The following CRYBG3 variants were observed in gnomAD, a reference collection of about 807,000 sequenced individuals.
The protein encoded by CRYBG3 is crystallin beta-gamma domain containing 3.
CRYBG3 carries 127 observed loss-of-function variants against 244.2 expected under a neutral mutation model. The ratio of observed to expected loss-of-function variants is 0.52; its 90% CI spans 0.45 to 0.60. The LOEUF (loss-of-function observed/expected upper bound fraction) is 0.60, where lower values mean the gene tolerates loss of function less well. Among genes scored for constraint, CRYBG3 ranks in the 20% least tolerant of loss-of-function variants. The pLI is 0.00. For missense variants in CRYBG3, 3,325 were observed against 3,442.5 expected (o/e 0.97, Z 0.85); for synonymous variants, 1,132 against 1,195.8 (o/e 0.95, Z 1.10).
chr3:97,825,509 A>G (rs1212625074), intron 1 of CRYBG3, among the ~76,000 whole-genome samples: 2 of 152,194 alleles, frequency 1.3e-5, no homozygotes, highest in African/African-American at 4.8e-5. Context: ...CACTTTTACG[A>G]TCTGACAATT....
intron 1 of CRYBG3, among the ~76,000 whole-genome samples, chr3:97,831,679 C>T (rs972069826): frequency 2.0e-5 from 3 of 152,090 alleles, no homozygotes; most frequent in African/African-American, 7.2e-5. Flanking sequence ...ATCACTTCAG[C>T]TTAGCACTTC....
At chr3:97,850,308 TATGAG>T (rs1424991438) in intron 2 of CRYBG3, among the ~76,000 whole-genome samples, 1 of 152,182 alleles carries the variant, frequency 6.6e-6, no homozygotes, top group Non-Finnish European at 1.5e-5. Context: ...CTCTGATACA[TATGAG>T]AGGTAACTGT....
At chr3:97,901,564 TC>T (rs1319206152) in intron 15 of CRYBG3, among the ~76,000 whole-genome samples, 1 of 152,216 alleles carries the variant, frequency 6.6e-6, no homozygotes, top group Non-Finnish European at 1.5e-5. Flanking sequence ...TAGAGACACT[TC>T]CTGCCAGATT....
intron 16 of CRYBG3, 131 bp downstream of exon 16, chr3:97,912,407 G>A (rs972217800): frequency 2.2e-6 from 1 of 463,460 alleles, no homozygotes; most frequent in Admixed American, 4.1e-5. Flanking sequence ...CCTGCTAACT[G>A]GTCTATATTA....
At position 97,822,055 on chromosome 3, in the gene CRYBG3, C is replaced by A. The variant is rs1343077381; in HGVS notation, c.-152C>A. The A allele has an allele frequency of 1.6e-5, 9 of 553,854 alleles. No individual in the cohort carries two copies. The highest frequency in any genetic ancestry group is 2.5e-5 in the Non-Finnish European group (9 of 361,616). The allele number at this position is 553,854 out of a possible 1,614,324, so 34.3% of individuals were successfully genotyped here. ...CGAGGAGCGCGTCGCGTCCGCACTT[C>A]TCCTGCCCGAGAGAGACTGAGCCGC... On this transcript the variant is annotated 5_prime_UTR_variant, in exon 1 of 22. Transcript: ENST00000389622.
In CRYBG3 at chr3:97,822,369, AG is replaced by A; in HGVS notation, c.149+19del. ...GTCCGCTGCCAGGTGGGAGTCGAGG[AG>A]GGGGTCGCGGGGGGGCCCTGCACAT... On this transcript the variant is annotated intron_variant, in intron 1 of 21. Coordinates refer to ENST00000389622, the MANE Select transcript of CRYBG3 (RefSeq NM_153605.4). 1.3e-6 allele frequency: 2 copies of A among 1,493,198 alleles called. No homozygotes were observed. The highest frequency in any genetic ancestry group is 8.9e-7 in the Non-Finnish European group (1 of 1,124,652). The allele number at this position is 1,493,198 out of a possible 1,614,324, so 92.5% of individuals were successfully genotyped here. A position where few individuals can be genotyped will look rare whatever the true frequency, so the allele number is the denominator to read the frequency against.
At position 97,873,529 on chromosome 3, in the gene CRYBG3, G is replaced by T. The variant is rs1360842354; in HGVS notation, c.2335G>T (p.Asp779Tyr). Residue 779 changes from aspartate to tyrosine, a missense_variant, in exon 4 of 22, where the codon GAC becomes TAC. Asp to Tyr is a radical substitution (Grantham distance 160). This residue lies in a region of CRYBG3 where 1,526 missense variants were observed against 1,443.2 expected (regional missense o/e 1.06). Transcript: ENST00000389622. ...GGATTGCAGTTCCATTTTATCTCAA[G>T]ACCCTAATAGAGTAGAGTTAGTGTC... is the stretch of plus-strand genomic sequence containing the variant. ...SKDCSSILSQDPNRVELVSSN... is the reference protein window; with the variant it reads ...SKDCSSILSQYPNRVELVSSN... 6.5e-6 allele frequency: 10 copies of T among 1,535,824 alleles called. No individual in the cohort carries two copies. Among genetic ancestry groups the T allele is most frequent in the Admixed American group, 2.0e-5 (1 of 50,958 alleles).
In CRYBG3 at chr3:97,881,207, A is replaced by G. The variant is rs2039442976; in HGVS notation, c.7140A>G (p.Lys2380=). The G allele has an allele frequency of 6.2e-7, 1 of 1,603,408 alleles. No individual in the cohort carries two copies. Among genetic ancestry groups the G allele is most frequent in the Admixed American group, 1.7e-5 (1 of 58,162 alleles). ...GAAACTTTATATTGGGTTCTCTCAAACGTGTCTTAAAGGTAACAACTGTAG... is the reference window on the plus strand; with the variant it reads ...GAAACTTTATATTGGGTTCTCTCAAGCGTGTCTTAAAGGTAACAACTGTAG... ...PQRNFILGSL[K]RVLKDCSIPE... Residue 2380 remains lysine, a synonymous_variant, in exon 7 of 22, where the codon AAA becomes AAG. Coordinates refer to ENST00000389622, the MANE Select transcript of CRYBG3 (RefSeq NM_153605.4).
chr3:97,859,023 G>A (rs1173555767), intron 2 of CRYBG3, among the ~76,000 whole-genome samples: 1 of 152,132 alleles, frequency 6.6e-6, no homozygotes, highest in Non-Finnish European at 1.5e-5. Context: ...TTGGTTCTAG[G>A]TAGGCAAAGT....
chr3:97,878,187 G>C, intron 4 of CRYBG3, 150 bp downstream of exon 4: 1 of 644,762 alleles, frequency 1.6e-6, no homozygotes, highest in East Asian at 2.9e-5. Context: ...GAGGCAGGTG[G>C]ATCACGAGGT....
chr3:97,938,102 C>T (rs2040184244), intron 19 of CRYBG3, among the ~76,000 whole-genome samples: 1 of 152,010 alleles, frequency 6.6e-6, no homozygotes, highest in Non-Finnish European at 1.5e-5. Flanking sequence ...GTACCTCTCT[C>T]TAATCTCTTT....
chr3:97,856,030 G>A (rs780857864), intron 2 of CRYBG3, among the ~76,000 whole-genome samples: 1 of 152,112 alleles, frequency 6.6e-6, no homozygotes, highest in Non-Finnish European at 1.5e-5. Flanking sequence ...TAATAAGCCT[G>A]GGAGCGCTAT....
rs890713588 is a variant in CRYBG3, at chr3:97,873,995, C to T, written c.2801C>T (p.Ala934Val). 10 of 1,534,086 alleles carry T rather than the reference C, an allele frequency of 6.5e-6. No homozygotes were observed. Among genetic ancestry groups the T allele is most frequent in the Non-Finnish European group, 8.7e-6 (10 of 1,146,408 alleles). The change falls in exon 4 of 22, where the codon GCT (alanine) becomes GTT (valine). Residue 934 changes from alanine to valine, a missense_variant. By Grantham distance (64) the Ala-to-Val change is moderately conservative. Around this residue, in one of 4 missense-constraint regions of CRYBG3, gnomAD observed 1,526 missense variants for 1,443.2 expected, o/e 1.06. Coordinates refer to ENST00000389622, the MANE Select transcript of CRYBG3 (RefSeq NM_153605.4). ...PEVDALGSPP[A>V]LLKSNISWIL... ...GTAGATGCCTTAGGCTCTCCTCCTG[C>T]TCTTCTTAAAAGTAATATATCTTGG...
intron 15 of CRYBG3, among the ~76,000 whole-genome samples, chr3:97,910,587 A>G (rs1445765682): frequency 2.0e-5 from 3 of 152,144 alleles, no homozygotes; most frequent in South Asian, 2.1e-4. Context: ...AAGTGAGGCA[A>G]TGCCTCTCCC....
At position 97,872,740 on chromosome 3, in the gene CRYBG3, C is replaced by G. The variant is rs1457194528; in HGVS notation, c.1546C>G (p.Gln516Glu). Residue 516 changes from glutamine to glutamate, a missense_variant, in exon 4 of 22, where the codon CAA becomes GAA. By Grantham distance (29) the Gln-to-Glu change is conservative. Coordinates refer to ENST00000389622, the MANE Select transcript of CRYBG3 (RefSeq NM_153605.4). ...AAATGAAGGAAAGAGATTGTCTGCCCAAGACTCACAGAAAAATGTGGCTGT... is the reference window on the plus strand; with the variant it reads ...AAATGAAGGAAAGAGATTGTCTGCCGAAGACTCACAGAAAAATGTGGCTGT... ...FVNEGKRLSA[Q>E]DSQKNVAVRE... 6.5e-7 allele frequency: 1 copy of G among 1,535,864 alleles called. No homozygotes were observed. Among genetic ancestry groups the G allele is most frequent in the African/African-American group, 1.4e-5 (1 of 73,122 alleles).
chr3:97,941,347 G>GT, intron 20 of CRYBG3, 41 bp downstream of exon 20: 4 of 1,454,198 alleles, frequency 2.8e-6, no homozygotes, highest in Admixed American at 4.4e-5. Context: ...TTTCTGGTCT[G>GT]TTTTTTATTT....
chr3:97,870,270 G>C (rs1014128008), intron 3 of CRYBG3, among the ~76,000 whole-genome samples: 1 of 152,104 alleles, frequency 6.6e-6, no homozygotes, highest in African/African-American at 2.4e-5. Flanking sequence ...CTGACAGGTA[G>C]TATTTTAGTC....
chr3:97,941,306 G>A lies in CRYBG3; in HGVS notation c.8664G>A (p.Lys2888=). The A allele has an allele frequency of 6.2e-7, 1 of 1,602,514 alleles. No individual in the cohort carries two copies. Among genetic ancestry groups the A allele is most frequent in the Non-Finnish European group, 8.5e-7 (1 of 1,173,448 alleles). Residue 2888 remains lysine, a splice_region_variant and synonymous_variant, in exon 20 of 22, where the codon AAG becomes AAA. Transcript: ENST00000389622. ...ACTGCCGAGGACTCTTTAAATCCAA[G>A]GTAAGCAATCCCACTGATACAGTAT... is the stretch of plus-strand genomic sequence containing the variant. The part of the protein sequence containing the change: ...WYYCRGLFKS[K]ASDTCLDVIG...
At chr3:97,848,256 TA>T (rs1246850285) in intron 2 of CRYBG3, among the ~76,000 whole-genome samples, 1 of 152,170 alleles carries the variant, frequency 6.6e-6, no homozygotes, top group Non-Finnish European at 1.5e-5. Flanking sequence ...AACCAATTTT[TA>T]AAATATGTAT....
Sources: gnomAD v4.1 joint callset for allele counts (sites outside exome capture counted in the v4.1 genomes callset) on GRCh38, gnomAD v4.1.1 for gene constraint, gnomAD v4.1.1 regional missense constraint, MANE v1.5 for transcripts, NCBI Gene and HGNC (gene_info 2026-07-23, HGNC 2026-07-21) for gene names.